Variants in IKZF3 observed in about 807,000 individuals in gnomAD.
IKZF3 encodes IKAROS family zinc finger 3.
A neutral mutation model predicts 49.0 loss-of-function variants in IKZF3; 10 were observed. The observed-to-expected ratio is 0.20, with a 90% CI of 0.13 to 0.35. The LOEUF (loss-of-function observed/expected upper bound fraction) is 0.35, where lower values mean the gene tolerates loss of function less well. IKZF3 is among the 10% of genes least tolerant of loss of function. The probability of loss-of-function intolerance (pLI) is 1.00; values close to 1 mark genes in which losing one functional copy is unlikely to be tolerated. For synonymous variants in IKZF3, 209 were observed against 228.2 expected, an observed-to-expected ratio of 0.92 and a Z score of 0.76; for missense variants, 498 against 664.8, an observed-to-expected ratio of 0.75 and a Z score of 2.76.
chr17:39,850,235 T>C (rs2062769253), intron 1 of IKZF3, among the ~76,000 whole-genome samples: 2 of 142,044 alleles, frequency 1.4e-5, no homozygotes, highest in South Asian at 4.2e-4. Context: ...GTATATATAA[T>C]ATATAGTATA....
At chr17:39,853,274 A>G (rs1422516937) in intron 1 of IKZF3, among the ~76,000 whole-genome samples, 1 of 150,898 alleles carries the variant, frequency 6.6e-6, no homozygotes, top group East Asian at 1.9e-4. Context: ...AAGGTATTCA[A>G]TAAATAGTTT....
intron 3 of IKZF3, among the ~76,000 whole-genome samples, chr17:39,826,900 T>C (rs780752248): frequency 6.6e-6 from 1 of 152,254 alleles, no homozygotes; most frequent in African/African-American, 2.4e-5. Context: ...TAGGTGACTA[T>C]GGGGAAGATT....
intron 3 of IKZF3, among the ~76,000 whole-genome samples, chr17:39,828,488 T>C (rs914765408): frequency 6.6e-6 from 1 of 152,122 alleles, no homozygotes; most frequent in African/African-American, 2.4e-5. Flanking sequence ...AATGAATAAA[T>C]GAGTTATGTA....
chr17:39,863,908 G>A (rs1287586593), intron 1 of IKZF3, among the ~76,000 whole-genome samples: 5 of 152,202 alleles, frequency 3.3e-5, no homozygotes, highest in African/African-American at 7.2e-5. Flanking sequence ...ATAAAATTGC[G>A]AAGAAGTTAT....
intron 1 of IKZF3, among the ~76,000 whole-genome samples, chr17:39,856,808 A>AAATAAT (rs150061512): frequency 2.6e-5 from 4 of 151,190 alleles, no homozygotes; most frequent in African/African-American, 4.8e-5. Flanking sequence ...CTCCATCTCA[A>AAATAAT]AATAATAATA....
chr17:39,780,655 G>T (rs1351694224), intron 6 of IKZF3, among the ~76,000 whole-genome samples: 5 of 151,814 alleles, frequency 3.3e-5, no homozygotes, highest in Non-Finnish European at 7.4e-5. Context: ...ACTGCACTCA[G>T]CCAAAGCTCA....
intron 1 of IKZF3, among the ~76,000 whole-genome samples, chr17:39,834,225 T>A (rs575732702): frequency 6.6e-6 from 1 of 152,332 alleles, no homozygotes; most frequent in African/African-American, 2.4e-5. Flanking sequence ...TACTGGGTTA[T>A]AGGGTAGGAG....
chr17:39,772,960 C>G (rs1440659591), intron 7 of IKZF3, among the ~76,000 whole-genome samples: 1 of 152,128 alleles, frequency 6.6e-6, no homozygotes, highest in Non-Finnish European at 1.5e-5. Context: ...GGATTACAGG[C>G]ACCCACCACC....
intron 2 of IKZF3, among the ~76,000 whole-genome samples, chr17:39,831,287 T>A (rs1023846560): frequency 6.6e-6 from 1 of 151,744 alleles, no homozygotes; most frequent in African/African-American, 2.4e-5. Flanking sequence ...GGCAGGAGAA[T>A]GGCTTGAACC....
chr17:39,854,134 A>G (rs1464098357), intron 1 of IKZF3, among the ~76,000 whole-genome samples: 1 of 152,234 alleles, frequency 6.6e-6, no homozygotes, highest in African/African-American at 2.4e-5. Context: ...TCAAACAAAA[A>G]AACAAAGTCC....
chr17:39,772,781 A>T (rs913003298), intron 7 of IKZF3, among the ~76,000 whole-genome samples: 3 of 152,134 alleles, frequency 2.0e-5, no homozygotes, highest in Admixed American at 6.5e-5. Flanking sequence ...ATCACCCTTG[A>T]GGGAGAACAA....
At chr17:39,788,678 A>G (rs531923689) in intron 5 of IKZF3, among the ~76,000 whole-genome samples, 131 of 152,162 alleles carry the variant, frequency 8.6e-4, no homozygotes, top group Non-Finnish European at 1.6e-3. Context: ...TTCTTTGGGA[A>G]AAAGAAAATA....
chr17:39,788,471 T>G lies in IKZF3; in HGVS notation c.593-97A>C, dbSNP rs1474879591. On this transcript the variant is annotated intron_variant, in intron 5 of 7. Transcript: ENST00000346872. ...GACAACTGTTCACTAGAAATGAGACTGCTGAGTGAAGCCAGAGTATTTGGA... is the reference window on the plus strand; with the variant it reads ...GACAACTGTTCACTAGAAATGAGACGGCTGAGTGAAGCCAGAGTATTTGGA... The G allele has an allele frequency of 6.8e-6, 5 of 739,270 alleles. No homozygotes were observed. The African/African-American group carries it at 8.8e-5, about 13-fold the overall frequency. 45.8% of individuals were successfully genotyped at this position (739,270 alleles called of 1,614,324 possible).
At chr17:39,785,112 T>C (rs949854125) in intron 6 of IKZF3, among the ~76,000 whole-genome samples, 12 of 152,136 alleles carry the variant, frequency 7.9e-5, no homozygotes, top group Non-Finnish European at 8.8e-5. Context: ...ATGTCCACAA[T>C]GGACTCCCAA....
chr17:39,766,224 G>A lies in IKZF3; in HGVS notation c.1096C>T (p.Leu366Phe). 6.2e-7 allele frequency: 1 copy of A among 1,614,210 alleles called. No individual in the cohort carries two copies. The highest frequency in any genetic ancestry group is 8.5e-7 in the Non-Finnish European group (1 of 1,180,042). ...PQELEKKSIH[L>F]PEKSVPSERG... is the part of the protein sequence containing the mutation. The stretch of plus-strand genomic sequence containing the variant: ...TCAGAAGGCACGCTCTTCTCTGGAA[G>A]GTGGATGCTTTTCTTTTCCAGCTCT... Residue 366 changes from leucine (L) to phenylalanine (F), a missense_variant, in exon 8 of 8, where the codon CTT becomes TTT. Physicochemically the swap from Leu to Phe is conservative, Grantham distance 22. Transcript: ENST00000346872.
At chr17:39,779,529 C>T (rs1283782176) in intron 6 of IKZF3, among the ~76,000 whole-genome samples, 1 of 152,042 alleles carries the variant, frequency 6.6e-6, no homozygotes, top group Non-Finnish European at 1.5e-5. Context: ...CAAGGCTTGA[C>T]ATTTTAACAC....
intron 1 of IKZF3, among the ~76,000 whole-genome samples, chr17:39,850,468 T>G (rs1410748052): frequency 7.6e-6 from 1 of 132,042 alleles, no homozygotes; most frequent in African/African-American, 2.8e-5. Context: ...ATATTATACA[T>G]GTACATATAA....
intron 3 of IKZF3, among the ~76,000 whole-genome samples, chr17:39,818,607 C>T (rs771127057): frequency 7.9e-5 from 12 of 151,960 alleles, no homozygotes; most frequent in Non-Finnish European, 1.3e-4. Context: ...CCTAGCACTT[C>T]GGGAGGCTGA....
At chr17:39,774,507 G>A (rs1210912166) in intron 7 of IKZF3, among the ~76,000 whole-genome samples, 1 of 152,120 alleles carries the variant, frequency 6.6e-6, no homozygotes. Context: ...CTCATACACT[G>A]CACAGTGTCA....
Sources: allele counts gnomAD v4.1 joint callset (sites outside exome capture counted in the v4.1 genomes callset), GRCh38; gene constraint gnomAD v4.1.1; transcripts MANE v1.5; gene names NCBI Gene and HGNC (gene_info 2026-07-23, HGNC 2026-07-21).